Variants in SPON1 observed in about 807,000 individuals in gnomAD.
SPON1 encodes spondin-1.
A neutral mutation model predicts 111.7 loss-of-function variants in SPON1; 52 were observed. The ratio of observed to expected loss-of-function variants is 0.47; its 90% CI spans 0.37 to 0.59. The LOEUF (loss-of-function observed/expected upper bound fraction) is 0.59, where lower values mean the gene tolerates loss of function less well. SPON1 is among the 20% of genes least tolerant of loss of function. SPON1 has a pLI of 0.00. For synonymous variants in SPON1, 410 were observed against 395.8 expected, an observed-to-expected ratio of 1.04 and a Z score of -0.43; for missense variants, 957 against 1,068.5, an observed-to-expected ratio of 0.90 and a Z score of 1.46.
At chr11:14,182,952 G>A (rs1237001621) in intron 6 of SPON1, among the ~76,000 whole-genome samples, 1 of 152,200 alleles carries the variant, frequency 6.6e-6, no homozygotes, top group African/African-American at 2.4e-5. Context: ...GTCCAAGCTA[G>A]TGTCTCTGCA....
intron 3 of SPON1, among the ~76,000 whole-genome samples, chr11:14,049,661 G>A (rs566011154): frequency 3.0e-4 from 45 of 152,264 alleles, no homozygotes; most frequent in Non-Finnish European, 5.4e-4. Context: ...TGCCTTTGAG[G>A]TTGGCACAGT....
In SPON1 at chr11:14,128,527, G is replaced by A. The variant is rs576415373; in HGVS notation, c.677-6893G>A. ...TGAGGCTCTGCAGGGTACAGCCCCCGCGGATGCTTTCACAAACTGGTGTTG... is the reference window on the plus strand; with the variant it reads ...TGAGGCTCTGCAGGGTACAGCCCCCACGGATGCTTTCACAAACTGGTGTTG... On this transcript the variant is annotated intron_variant, in intron 5 of 15. Coordinates refer to ENST00000576479, the MANE Select transcript of SPON1 (RefSeq NM_006108.4). 1.2e-3 allele frequency among the ~76,000 whole-genome samples: 189 copies of A among 152,308 alleles called. 1 individual carries two copies. Among genetic ancestry groups the A allele is most frequent in the Middle Eastern group, 6.8e-3 (2 of 294 alleles).
At chr11:14,051,364 G>C (rs868950539) in intron 3 of SPON1, among the ~76,000 whole-genome samples, 2 of 152,036 alleles carry the variant, frequency 1.3e-5, no homozygotes, top group Non-Finnish European at 2.9e-5. Flanking sequence ...GTGAGACCTT[G>C]TCTCTACAAA....
At chr11:14,119,700 A>C (rs1281816066) in intron 5 of SPON1, among the ~76,000 whole-genome samples, 1 of 152,188 alleles carries the variant, frequency 6.6e-6, no homozygotes, top group Non-Finnish European at 1.5e-5. Context: ...TCCTCCTGCA[A>C]GCTGTCTACT....
chr11:14,242,110 G>T (rs979533293), intron 6 of SPON1, among the ~76,000 whole-genome samples: 7 of 152,134 alleles, frequency 4.6e-5, no homozygotes, highest in African/African-American at 1.7e-4. Context: ...CATGGTAAAT[G>T]GGAAGCCATG....
intron 6 of SPON1, among the ~76,000 whole-genome samples, chr11:14,240,839 A>G (rs1179557818): frequency 2.0e-5 from 3 of 152,176 alleles, no homozygotes; most frequent in Non-Finnish European, 4.4e-5. Context: ...AGGATCTGAT[A>G]TCTTGGATTT....
At chr11:14,098,848 C>G (rs904466584) in intron 5 of SPON1, among the ~76,000 whole-genome samples, 5 of 152,194 alleles carry the variant, frequency 3.3e-5, no homozygotes, top group Non-Finnish European at 5.9e-5. Context: ...TACCATGCCT[C>G]TCCTTTAAAG....
In SPON1 at chr11:14,090,824, GCCCCCCCCCCCCCC is replaced by G. The variant is rs1176498162; in HGVS notation, c.676+10810_676+10823del. Among the ~76,000 whole-genome samples, 6 of 45,608 alleles carry G rather than the reference GCCCCCCCCCCCCCC, an allele frequency of 1.3e-4. 1 individual carries two copies. The highest frequency in any genetic ancestry group is 5.8e-4 in the African/African-American group (6 of 10,276). 29.9% of individuals were successfully genotyped at this position (45,608 alleles called of 152,430 possible). ...CAGCCTGCTTTTATTCTCTTATCTG[GCCCCCCCCCCCCCC>G]CCCCCCGCCCACATCCTGCTGATTG... On this transcript the variant is annotated intron_variant, in intron 5 of 15. Coordinates refer to ENST00000576479, the MANE Select transcript of SPON1 (RefSeq NM_006108.4).
At chr11:14,016,385 G>A (rs536828148) in intron 2 of SPON1, among the ~76,000 whole-genome samples, 2 of 152,320 alleles carry the variant, frequency 1.3e-5, no homozygotes, top group African/African-American at 2.4e-5. Flanking sequence ...CATCTGTCAG[G>A]TGAAGACTGA....
At chr11:14,260,842 T>G in intron 14 of SPON1, 90 bp downstream of exon 14, 14 of 1,378,264 alleles carry the variant, frequency 1.0e-5, no homozygotes, top group South Asian at 2.9e-5. Flanking sequence ...TGCTAGATCC[T>G]AGAATAACAT....
At chr11:14,122,574 ATACC>A (rs1298824648) in intron 5 of SPON1, among the ~76,000 whole-genome samples, 2 of 152,122 alleles carry the variant, frequency 1.3e-5, no homozygotes, top group East Asian at 3.8e-4. Flanking sequence ...ACAGTCATTT[ATACC>A]CTAGTTCATT....
At chr11:14,224,602 AG>A (rs1848716789) in intron 6 of SPON1, 1 of 204,974 alleles carries the variant, frequency 4.9e-6, no homozygotes, top group Admixed American at 4.1e-5. Flanking sequence ...CCCACCTTAA[AG>A]GACTGTTAGT....
chr11:14,230,112 C>T (rs188798968), intron 6 of SPON1, among the ~76,000 whole-genome samples: 335 of 152,236 alleles, frequency 2.2e-3, no homozygotes, highest in African/African-American at 7.8e-3. Flanking sequence ...AAGGGTTAAC[C>T]TTTCACAGCT....
At chr11:14,161,146 A>G (rs1471805168) in intron 6 of SPON1, among the ~76,000 whole-genome samples, 1 of 58,722 alleles carries the variant, frequency 1.7e-5, no homozygotes, top group South Asian at 5.3e-4. Flanking sequence ...ATATCTATAT[A>G]TCTATATATT....
At chr11:14,075,066 T>A (rs1202112467) in intron 3 of SPON1, among the ~76,000 whole-genome samples, 1 of 152,202 alleles carries the variant, frequency 6.6e-6, no homozygotes, top group African/African-American at 2.4e-5. Context: ...CTTTCTTACC[T>A]TCACAATAAC....
At chr11:14,002,047 G>A (rs759995914) in intron 2 of SPON1, among the ~76,000 whole-genome samples, 23 of 152,058 alleles carry the variant, frequency 1.5e-4, no homozygotes, top group Admixed American at 1.2e-3. Context: ...CAGGAGGGAG[G>A]ACATCTTTCT....
intron 6 of SPON1, among the ~76,000 whole-genome samples, chr11:14,190,965 T>C (rs782255843): frequency 2.6e-5 from 4 of 151,772 alleles, no homozygotes; most frequent in Non-Finnish European, 4.4e-5. Context: ...GTTTAAATAA[T>C]GCTGAAAACA....
intron 3 of SPON1, among the ~76,000 whole-genome samples, chr11:14,061,562 T>C (rs1848791148): frequency 6.6e-6 from 1 of 152,254 alleles, no homozygotes. Flanking sequence ...ATATATCACT[T>C]CCAGTAAATC....
chr11:14,103,006 C>G (rs1420329032), intron 5 of SPON1, among the ~76,000 whole-genome samples: 1 of 152,082 alleles, frequency 6.6e-6, no homozygotes, highest in East Asian at 1.9e-4. Flanking sequence ...GATTTAGTTA[C>G]TGTGGCAGGT....
Sources: gnomAD v4.1 joint callset for allele counts (sites outside exome capture counted in the v4.1 genomes callset) on GRCh38, gnomAD v4.1.1 for gene constraint, MANE v1.5 for transcripts, NCBI Gene and HGNC (gene_info 2026-07-23, HGNC 2026-07-21) for gene names.